Variants in BICC1 observed in about 807,000 individuals in gnomAD.
BICC1 encodes protein bicaudal C homolog 1.
In BICC1, 43 loss-of-function variants were observed where a neutral mutation model predicts 111.0. The ratio of observed to expected loss-of-function variants is 0.39; its 90% CI spans 0.30 to 0.50. BICC1 has a LOEUF of 0.50. BICC1 is among the 20% of genes least tolerant of loss of function. The pLI is 0.88. For synonymous variants in BICC1, 467 were observed against 434.4 expected, an observed-to-expected ratio of 1.07 and a Z score of -0.93; for missense variants, 1,091 against 1,203.2, an observed-to-expected ratio of 0.91 and a Z score of 1.38.
At chr10:58,577,857 C>T (rs893130782) in intron 1 of BICC1, among the ~76,000 whole-genome samples, 5 of 152,170 alleles carry the variant, frequency 3.3e-5, no homozygotes, top group African/African-American at 9.7e-5. Context: ...TATTCTAAGT[C>T]AAAGAAGTAT....
intron 1 of BICC1, among the ~76,000 whole-genome samples, chr10:58,603,920 G>C (rs970094089): frequency 2.0e-5 from 3 of 152,182 alleles, no homozygotes; most frequent in African/African-American, 7.2e-5. Flanking sequence ...AATTAAGTAC[G>C]TAATAAGTAT....
chr10:58,640,642 A>G (rs1838095247), intron 2 of BICC1, among the ~76,000 whole-genome samples: 1 of 152,144 alleles, frequency 6.6e-6, no homozygotes, highest in Non-Finnish European at 1.5e-5. Context: ...TGAGCCCACT[A>G]GTGTGTGGCA....
At chr10:58,542,833 A>G (rs1199266569) in intron 1 of BICC1, among the ~76,000 whole-genome samples, 10 of 143,622 alleles carry the variant, frequency 7.0e-5, no homozygotes, top group African/African-American at 2.6e-4. Context: ...TGCACTCATT[A>G]GGATGGCCAT....
intron 1 of BICC1, among the ~76,000 whole-genome samples, chr10:58,518,298 T>G (rs1009143252): frequency 4.6e-5 from 7 of 152,020 alleles, no homozygotes; most frequent in African/African-American, 1.4e-4. Flanking sequence ...AGAAAGAAGG[T>G]TTTTTGAAGA....
At chr10:58,526,489 A>G (rs1436651341) in intron 1 of BICC1, among the ~76,000 whole-genome samples, 1 of 151,884 alleles carries the variant, frequency 6.6e-6, no homozygotes, top group African/African-American at 2.4e-5. Context: ...TGCTGCACCC[A>G]TTAACTCATC....
intron 2 of BICC1, among the ~76,000 whole-genome samples, chr10:58,646,078 T>C (rs1039385436): frequency 5.9e-5 from 9 of 151,788 alleles, no homozygotes; most frequent in African/African-American, 2.2e-4. Flanking sequence ...TTTTTTTTTT[T>C]CCTGAAGAAC....
At chr10:58,561,841 T>C (rs915540155) in intron 1 of BICC1, among the ~76,000 whole-genome samples, 8 of 152,188 alleles carry the variant, frequency 5.3e-5, no homozygotes, top group African/African-American at 1.9e-4. Flanking sequence ...CTTCAGTTTT[T>C]ACTTGTCTAG....
intron 1 of BICC1, among the ~76,000 whole-genome samples, chr10:58,600,366 C>T (rs370441193): frequency 2.0e-4 from 30 of 152,104 alleles, no homozygotes; most frequent in South Asian, 6.2e-4. Flanking sequence ...TTGTGAGCCA[C>T]GGCCCGGGAA....
intron 2 of BICC1, among the ~76,000 whole-genome samples, chr10:58,648,163 G>T (rs1215244393): frequency 6.6e-6 from 1 of 152,210 alleles, no homozygotes; most frequent in Non-Finnish European, 1.5e-5. Flanking sequence ...TAAGGGCAGT[G>T]TCTGCTCTTT....
chr10:58,569,536 C>T (rs140957822), intron 1 of BICC1, among the ~76,000 whole-genome samples: 355 of 152,244 alleles, frequency 2.3e-3, no homozygotes, highest in African/African-American at 8.2e-3. Flanking sequence ...TGCTATCCCT[C>T]CCCTAGGCTC....
In BICC1 at chr10:58,787,175, A is replaced by C. The variant is rs1420165593; in HGVS notation, c.546+94A>C. ...ATCTTTTTTTTCTGAGAGGTGAGAC[A>C]AAAAAAAAATCACATAGATGACATA... On this transcript the variant is annotated intron_variant, in intron 5 of 20. Transcript: ENST00000373886. 1.8e-5 allele frequency: 15 copies of C among 811,070 alleles called. No individual in the cohort carries two copies. The East Asian group carries it at 2.3e-4, about 12-fold the overall frequency. 50.2% of individuals were successfully genotyped at this position (811,070 alleles called of 1,614,324 possible).
chr10:58,570,067 T>G (rs886826301), intron 1 of BICC1, among the ~76,000 whole-genome samples: 3 of 152,166 alleles, frequency 2.0e-5, no homozygotes, highest in Non-Finnish European at 4.4e-5. Context: ...TTTCCTGACA[T>G]CAGGAATGTT....
At chr10:58,589,212 G>T (rs1844524323) in intron 1 of BICC1, among the ~76,000 whole-genome samples, 1 of 152,078 alleles carries the variant, frequency 6.6e-6, no homozygotes, top group African/African-American at 2.4e-5. Context: ...TTGCTCTTTT[G>T]CATTTCACTT....
chr10:58,752,029 T>A (rs998101123), intron 3 of BICC1, among the ~76,000 whole-genome samples: 1 of 152,226 alleles, frequency 6.6e-6, no homozygotes, highest in Non-Finnish European at 1.5e-5. Flanking sequence ...ACATGAGCTA[T>A]TGAACTTCTA....
At chr10:58,575,377 A>G (rs750775378) in intron 1 of BICC1, among the ~76,000 whole-genome samples, 20 of 152,024 alleles carry the variant, frequency 1.3e-4, no homozygotes, top group Non-Finnish European at 2.6e-4. Context: ...CCATTGTGTT[A>G]TTTGGTCCTA....
At chr10:58,750,878 T>C (rs1841972195) in intron 3 of BICC1, among the ~76,000 whole-genome samples, 1 of 152,192 alleles carries the variant, frequency 6.6e-6, no homozygotes, top group South Asian at 2.1e-4. Flanking sequence ...TTTTCTTACC[T>C]GAAGGGTGCT....
At chr10:58,787,602 T>C (rs1843049418) in intron 5 of BICC1, among the ~76,000 whole-genome samples, 2 of 152,214 alleles carry the variant, frequency 1.3e-5, no homozygotes, top group African/African-American at 4.8e-5. Context: ...GTTTCAGTAC[T>C]TGAAGAACAG....
intron 3 of BICC1, among the ~76,000 whole-genome samples, chr10:58,716,851 T>G (rs1375343469): frequency 2.0e-5 from 3 of 151,426 alleles, no homozygotes; most frequent in Non-Finnish European, 4.4e-5. Flanking sequence ...TCCTGTATTA[T>G]GAACACAGTA....
chr10:58,548,927 A>G (rs1328712164), intron 1 of BICC1, among the ~76,000 whole-genome samples: 4 of 151,916 alleles, frequency 2.6e-5, no homozygotes. Flanking sequence ...TGGTGCGATC[A>G]TGGCTCACTG....
Sources: allele counts gnomAD v4.1 joint callset (sites outside exome capture counted in the v4.1 genomes callset), GRCh38; gene constraint gnomAD v4.1.1; transcripts MANE v1.5; gene names NCBI Gene and HGNC (gene_info 2026-07-23, HGNC 2026-07-21).